The following MAPK10 variants were observed in gnomAD, a reference collection of about 807,000 sequenced individuals.
MAPK10 encodes JNK3 alpha protein kinase.
A neutral mutation model predicts 59.3 loss-of-function variants in MAPK10; 25 were observed. That is an observed-to-expected ratio of 0.42 (90% confidence interval 0.31 to 0.59). The LOEUF is 0.59. Ranked by LOEUF, MAPK10 falls within the 20% of genes least tolerant of loss-of-function variation. MAPK10 has a pLI of 0.15. For missense variants in MAPK10, 351 were observed against 568.9 expected (o/e 0.62, Z 3.90); for synonymous variants, 190 against 200.5 (o/e 0.95, Z 0.44).
intron 2 of MAPK10, among the ~76,000 whole-genome samples, chr4:86,298,252 C>A (rs6813724): frequency 0.29 from 44,680 of 151,948 alleles, 6,635 homozygotes; most frequent in South Asian, 0.46. Flanking sequence ...AGTTTGTAGA[C>A]ATTTCCAGAT....
At chr4:86,540,799 C>A (rs183417896) in intron 1 of MAPK10, among the ~76,000 whole-genome samples, 12 of 152,112 alleles carry the variant, frequency 7.9e-5, no homozygotes, top group Middle Eastern at 3.4e-3. Flanking sequence ...GGTTTCTTGA[C>A]ATGAGAAAAG....
intron 1 of MAPK10, among the ~76,000 whole-genome samples, chr4:86,563,694 A>T (rs1696408266): frequency 6.6e-6 from 1 of 152,180 alleles, no homozygotes; most frequent in South Asian, 2.1e-4. Flanking sequence ...GATAATCAAG[A>T]GACCTACTAA....
intron 1 of MAPK10, among the ~76,000 whole-genome samples, chr4:86,452,521 G>GCA (rs140253045): frequency 0.015 from 2,235 of 148,116 alleles, 27 homozygotes; most frequent in South Asian, 0.03. Context: ...CAATGCGCAC[G>GCA]CACACACACA....
chr4:86,070,264 T>C (rs541579222), intron 9 of MAPK10, among the ~76,000 whole-genome samples: 23 of 152,254 alleles, frequency 1.5e-4, no homozygotes, highest in African/African-American at 4.8e-4. Flanking sequence ...TATCTACATA[T>C]GGTAAGTACT....
At chr4:86,379,007 T>C (rs957648056) in intron 1 of MAPK10, among the ~76,000 whole-genome samples, 1 of 152,196 alleles carries the variant, frequency 6.6e-6, no homozygotes, top group Admixed American at 6.5e-5. Flanking sequence ...TGGAACAGTC[T>C]GGTGGGATGA....
At chr4:86,171,340 A>G (rs1390183442) in intron 3 of MAPK10, among the ~76,000 whole-genome samples, 1 of 152,198 alleles carries the variant, frequency 6.6e-6, no homozygotes, top group Non-Finnish European at 1.5e-5. Flanking sequence ...AGATTAATAA[A>G]GAAGAATCAA....
At chr4:86,442,805 G>A (rs538927989) in intron 1 of MAPK10, among the ~76,000 whole-genome samples, 10 of 152,014 alleles carry the variant, frequency 6.6e-5, no homozygotes, top group African/African-American at 1.9e-4. Flanking sequence ...TTCATTCTCC[G>A]AATGATATTT....
chr4:86,172,521 C>A (rs1401437337), intron 3 of MAPK10, among the ~76,000 whole-genome samples: 3 of 145,468 alleles, frequency 2.1e-5, no homozygotes, highest in Non-Finnish European at 3.0e-5. Context: ...GGGAATTGAA[C>A]AATGAGAACA....
intron 10 of MAPK10, among the ~76,000 whole-genome samples, chr4:86,066,109 C>T (rs2046687124): frequency 6.6e-6 from 1 of 152,020 alleles, no homozygotes; most frequent in African/African-American, 2.4e-5. Flanking sequence ...TTGGTAATTA[C>T]ATCAATAAAT....
intron 1 of MAPK10, among the ~76,000 whole-genome samples, chr4:86,525,517 C>T (rs1757415836): frequency 6.6e-6 from 1 of 152,148 alleles, no homozygotes; most frequent in South Asian, 2.1e-4. Flanking sequence ...TCCACCTCTA[C>T]CCTTGACCTG....
At position 86,219,177 on chromosome 4, in the gene MAPK10, CAGAG is replaced by C. The variant is rs144539913; in HGVS notation, c.-6-24774_-6-24771del. 5.5e-3 allele frequency among the ~76,000 whole-genome samples: 831 copies of C among 150,580 alleles called. 8 individuals are homozygous for C. Among genetic ancestry groups the C allele is most frequent in the African/African-American group, 0.019 (798 of 41,248 alleles). ...TTTCCCAAAAAGAGATTGAGAGAGA[CAGAG>C]AGAGAGAGAGAGATTTCCATGGTAT... On this transcript the variant is annotated intron_variant, in intron 2 of 13. Transcript: ENST00000641462.
intron 1 of MAPK10, among the ~76,000 whole-genome samples, chr4:86,492,354 C>T (rs931574811): frequency 1.3e-5 from 2 of 152,176 alleles, no homozygotes; most frequent in South Asian, 2.1e-4. Context: ...TTTCCCTTCC[C>T]TAAGTAAATA....
chr4:86,462,147 T>C (rs2149061761), intron 1 of MAPK10, among the ~76,000 whole-genome samples: 1 of 152,292 alleles, frequency 6.6e-6, no homozygotes, highest in South Asian at 2.1e-4. Flanking sequence ...ATGAGTCTTC[T>C]GCCTAGGGAA....
chr4:86,110,407 G>A (rs1033981295), intron 4 of MAPK10, among the ~76,000 whole-genome samples: 5 of 152,108 alleles, frequency 3.3e-5, no homozygotes, highest in African/African-American at 4.8e-5. Flanking sequence ...TTTGTATAAG[G>A]TGTAAGGAAG....
intron 2 of MAPK10, among the ~76,000 whole-genome samples, chr4:86,293,461 A>G (rs990978521): frequency 1.3e-5 from 2 of 152,202 alleles, no homozygotes; most frequent in South Asian, 2.1e-4. Flanking sequence ...TGTGGCAACA[A>G]TACTAGTAAC....
chr4:86,016,874 T>G lies in MAPK10; in HGVS notation c.*354A>C, dbSNP rs764613214. 1 of 233,542 alleles carries G rather than the reference T, an allele frequency of 4.3e-6. No homozygotes were observed. Among genetic ancestry groups the G allele is most frequent in the African/African-American group, 2.3e-5 (1 of 43,706 alleles). 14.5% of individuals were successfully genotyped at this position (233,542 alleles called of 1,614,324 possible). A position where few individuals can be genotyped will look rare whatever the true frequency, so the allele number is the denominator to read the frequency against. On this transcript the variant is annotated 3_prime_UTR_variant, in exon 14 of 14. Transcript: ENST00000641462. ...CTGGATGGGGCCACTGCACACCTTG[T>G]CATGCCATTTAAAAGGGCAGTTACA... is the stretch of plus-strand genomic sequence containing the variant.
In MAPK10 at chr4:86,479,586, C is replaced by T. The variant is rs559356728; in HGVS notation, c.-263+114324G>A. Among the ~76,000 whole-genome samples, 15 of 152,202 alleles carry T rather than the reference C, an allele frequency of 9.9e-5. No individual in the cohort carries two copies. In the South Asian group the frequency reaches 3.1e-3, roughly 32 times the overall value. ...CTCTTATTTACACTGCCGATTTACACTGTTTCTCCAAGCCACCACAGCTGA... is the reference window on the plus strand; with the variant it reads ...CTCTTATTTACACTGCCGATTTACATTGTTTCTCCAAGCCACCACAGCTGA... On this transcript the variant is annotated intron_variant, in intron 1 of 4. Transcript: ENST00000502302.
chr4:86,275,111 G>C (rs2094536028), intron 2 of MAPK10, among the ~76,000 whole-genome samples: 1 of 152,026 alleles, frequency 6.6e-6, no homozygotes, highest in Non-Finnish European at 1.5e-5. Context: ...ACTTTGTGCA[G>C]TCATTAAATG....
At chr4:86,447,615 C>T (rs1448681988) in intron 1 of MAPK10, among the ~76,000 whole-genome samples, 1 of 152,126 alleles carries the variant, frequency 6.6e-6, no homozygotes, top group Non-Finnish European at 1.5e-5. Context: ...TTCCTCCTTC[C>T]AAGCAACTCA....
Sources: allele counts gnomAD v4.1 joint callset (sites outside exome capture counted in the v4.1 genomes callset), GRCh38; gene constraint gnomAD v4.1.1; transcripts MANE v1.5; gene names NCBI Gene and HGNC (gene_info 2026-07-23, HGNC 2026-07-21).